HTR1F: variants seen among roughly 807,000 people sequenced by gnomAD.
The protein encoded by HTR1F is 5-hydroxytryptamine receptor 1F, also known as 5-hydroxytryptamine (serotonin) receptor 1F, G protein-coupled.
In HTR1F, 17 loss-of-function variants were observed where a neutral mutation model predicts 24.0. The ratio of observed to expected loss-of-function variants is 0.71; its 90% confidence interval spans 0.48 to 1.06. The LOEUF is 1.06. Among genes scored for constraint, HTR1F ranks in the 50% least tolerant of loss-of-function variants. HTR1F has a pLI of 0.00. For missense variants in HTR1F, 391 were observed against 427.8 expected, an observed-to-expected ratio of 0.91 and a Z score of 0.76; for synonymous variants, 186 against 156.8, an observed-to-expected ratio of 1.19 and a Z score of -1.39.
chr3:87,813,062 C>T (rs1295526634), intron 1 of HTR1F, among the ~76,000 whole-genome samples: 1 of 152,128 alleles, frequency 6.6e-6, no homozygotes, highest in Non-Finnish European at 1.5e-5. Context: ...GGGGTCAGAG[C>T]CCCCACACAG....
At chr3:87,946,230 T>C (rs1704700730) in intron 2 of HTR1F, among the ~76,000 whole-genome samples, 1 of 152,096 alleles carries the variant, frequency 6.6e-6, no homozygotes, top group Admixed American at 6.5e-5. Flanking sequence ...AGCGGCGGTA[T>C]GCGACGGCGG....
At chr3:87,933,521 T>C (rs1704336272) in intron 2 of HTR1F, among the ~76,000 whole-genome samples, 1 of 152,126 alleles carries the variant, frequency 6.6e-6, no homozygotes, top group Non-Finnish European at 1.5e-5. Flanking sequence ...GGATATAAAA[T>C]CAATGTACAA....
intron 2 of HTR1F, among the ~76,000 whole-genome samples, chr3:87,838,314 T>C (rs1399854514): frequency 2.6e-5 from 4 of 152,106 alleles, no homozygotes; most frequent in Non-Finnish European, 5.9e-5. Context: ...ATTTTCTTGT[T>C]GTCCTGTATT....
chr3:87,936,706 C>T (rs564173410), intron 2 of HTR1F, among the ~76,000 whole-genome samples: 13 of 152,186 alleles, frequency 8.5e-5, no homozygotes, highest in South Asian at 4.1e-4. Context: ...CATTAAATCA[C>T]GGAGCATAAA....
intron 2 of HTR1F, among the ~76,000 whole-genome samples, chr3:87,828,909 A>G (rs1372210359): frequency 6.6e-6 from 1 of 152,126 alleles, no homozygotes; most frequent in African/African-American, 2.4e-5. Context: ...CAATAACAAA[A>G]CAAAGAAATG....
intron 2 of HTR1F, among the ~76,000 whole-genome samples, chr3:87,838,670 A>G (rs1704733230): frequency 6.6e-6 from 1 of 152,120 alleles, no homozygotes; most frequent in South Asian, 2.1e-4. Flanking sequence ...GACTGAAATG[A>G]AAACCGATTG....
At chr3:87,970,891 A>G (rs1407597202) in intron 2 of HTR1F, among the ~76,000 whole-genome samples, 1 of 152,222 alleles carries the variant, frequency 6.6e-6, no homozygotes, top group Non-Finnish European at 1.5e-5. Context: ...GAAAAATTTC[A>G]CAGTAGTATA....
chr3:87,835,669 G>A (rs1336751281), intron 2 of HTR1F, among the ~76,000 whole-genome samples: 4 of 152,028 alleles, frequency 2.6e-5, no homozygotes, highest in South Asian at 2.1e-4. Context: ...CATTCCTATC[G>A]TAAAAGACTA....
At chr3:87,955,214 G>A (rs772163072) in intron 2 of HTR1F, among the ~76,000 whole-genome samples, 1 of 151,474 alleles carries the variant, frequency 6.6e-6, no homozygotes, top group Non-Finnish European at 1.5e-5. Flanking sequence ...GTCCTTCCCT[G>A]CCTTTGTCTC....
At chr3:87,917,453 G>A (rs961017306) in intron 2 of HTR1F, among the ~76,000 whole-genome samples, 12 of 149,478 alleles carry the variant, frequency 8.0e-5, no homozygotes, top group African/African-American at 2.4e-4. Flanking sequence ...AACTAAAATT[G>A]ATAGATTGTT....
intron 2 of HTR1F, among the ~76,000 whole-genome samples, chr3:87,968,097 G>C (rs1705205381): frequency 1.3e-5 from 2 of 152,188 alleles, no homozygotes; most frequent in African/African-American, 4.8e-5. Context: ...TTGGAAGCTG[G>C]AATACAGGTG....
chr3:87,989,843 T>C (rs979768326), intron 2 of HTR1F, among the ~76,000 whole-genome samples: 1 of 152,196 alleles, frequency 6.6e-6, no homozygotes, highest in African/African-American at 2.4e-5. Context: ...TTTATTTCTG[T>C]AACCAGTTAC....
At chr3:87,833,764 C>T (rs988300157) in intron 2 of HTR1F, among the ~76,000 whole-genome samples, 5 of 152,188 alleles carry the variant, frequency 3.3e-5, no homozygotes, top group African/African-American at 9.6e-5. Flanking sequence ...CTTGGCCTCC[C>T]AAACTGCTGG....
At chr3:87,872,130 A>C (rs1705571466) in intron 2 of HTR1F, among the ~76,000 whole-genome samples, 1 of 152,176 alleles carries the variant, frequency 6.6e-6, no homozygotes, top group Admixed American at 6.5e-5. Context: ...AGTATGTGGA[A>C]ATTAAAAAAC....
intron 2 of HTR1F, among the ~76,000 whole-genome samples, chr3:87,833,915 A>C (rs775981415): frequency 3.3e-5 from 5 of 152,160 alleles, no homozygotes; most frequent in African/African-American, 4.8e-5. Context: ...ATTTTTAATA[A>C]CTTTGTAATC....
chr3:87,870,037 T>C (rs982685276), intron 2 of HTR1F, among the ~76,000 whole-genome samples: 1 of 152,112 alleles, frequency 6.6e-6, no homozygotes, highest in African/African-American at 2.4e-5. Flanking sequence ...GATTGCTACA[T>C]ATAAAATGCA....
chr3:87,874,050 C>T (rs1705616216), intron 2 of HTR1F, among the ~76,000 whole-genome samples: 1 of 152,018 alleles, frequency 6.6e-6, no homozygotes. Flanking sequence ...AAACCTTTTC[C>T]TGTAAGATTA....
chr3:87,854,040 C>G (rs1705148604), intron 2 of HTR1F, among the ~76,000 whole-genome samples: 1 of 151,808 alleles, frequency 6.6e-6, no homozygotes, highest in South Asian at 2.1e-4. Context: ...ATCCTGGTAC[C>G]TTTTTAATGT....
intron 2 of HTR1F, among the ~76,000 whole-genome samples, chr3:87,854,288 T>C (rs531823545): frequency 9.2e-5 from 14 of 152,166 alleles, no homozygotes; most frequent in African/African-American, 3.4e-4. Context: ...TCTGTTTTCT[T>C]GAATGTATTT....
Sources: allele counts gnomAD v4.1 joint callset (sites outside exome capture counted in the v4.1 genomes callset), GRCh38; gene constraint gnomAD v4.1.1; transcripts MANE v1.5; gene names NCBI Gene and HGNC (gene_info 2026-07-23, HGNC 2026-07-21).